Variants in SDK1 observed in about 807,000 individuals in gnomAD.
The protein encoded by SDK1 is sidekick cell adhesion molecule 1, also known as protein sidekick-1.
SDK1 carries 157 observed loss-of-function variants against 245.5 expected under a neutral mutation model. That is an observed-to-expected ratio of 0.64 (90% CI 0.56 to 0.73). SDK1 has a LOEUF of 0.73. Among genes scored for constraint, SDK1 ranks in the 30% least tolerant of loss-of-function variants. SDK1 has a pLI of 0.00. For missense variants in SDK1, 3,583 were observed against 3,002.3 expected (o/e 1.19, Z -4.52); for synonymous variants, 1,647 against 1,278.5 (o/e 1.29, Z -6.15).
chr7:4,017,179 T>C lies in SDK1; in HGVS notation c.2429T>C (p.Leu810Pro). Reference protein sequence around the residue: ...VLRGYILRYRLAGLPGEYQQR... With the variant: ...VLRGYILRYRPAGLPGEYQQR... ...CTTCCTTCGTGGCGCAGGTACCGCC[T>C]GGCTGGCCTTCCCGGAGAGTACCAG... The change falls in exon 17 of 45, where the codon CTG becomes CCG. Residue 810 changes from leucine (L) to proline (P), a missense_variant. Transcript: ENST00000404826. 3.1e-6 allele frequency: 5 copies of C among 1,611,076 alleles called. No homozygotes were observed. The highest frequency in any genetic ancestry group is 4.2e-6 in the Non-Finnish European group (5 of 1,178,500).
chr7:3,598,237 T>C (rs1045588387), intron 1 of SDK1, among the ~76,000 whole-genome samples: 3 of 152,250 alleles, frequency 2.0e-5, no homozygotes, highest in African/African-American at 7.2e-5. Context: ...ATTTTATTTA[T>C]ATATTTCCAT....
chr7:3,962,390 A>G (rs1317870735), intron 8 of SDK1, among the ~76,000 whole-genome samples: 4 of 152,208 alleles, frequency 2.6e-5, no homozygotes, highest in Admixed American at 2.6e-4. Context: ...AAACAAGAGC[A>G]TGAGCCTGTG....
chr7:3,661,092 T>G (rs1205520512), intron 4 of SDK1, among the ~76,000 whole-genome samples: 2 of 152,242 alleles, frequency 1.3e-5, no homozygotes, highest in Non-Finnish European at 2.9e-5. Context: ...TGAGAATCCG[T>G]TATTGCCTAC....
chr7:3,443,372 T>A (rs561670221), intron 1 of SDK1, among the ~76,000 whole-genome samples: 2 of 152,200 alleles, frequency 1.3e-5, no homozygotes, highest in Non-Finnish European at 2.9e-5. Flanking sequence ...ATGTCAAATA[T>A]ATTAAAATTT....
intron 1 of SDK1, among the ~76,000 whole-genome samples, chr7:3,398,903 T>G (rs1778806860): frequency 6.6e-6 from 1 of 152,054 alleles, no homozygotes; most frequent in Non-Finnish European, 1.5e-5. Flanking sequence ...GTCTCCAGTT[T>G]TCAGTGCAAC....
chr7:3,669,286 C>T (rs190584544), intron 4 of SDK1, among the ~76,000 whole-genome samples: 1 of 152,138 alleles, frequency 6.6e-6, no homozygotes, highest in African/African-American at 2.4e-5. Context: ...ACTGCTTTGT[C>T]TCATAAACAG....
Position 4,267,124 on chromosome 7 carries a change from CT to C in SDK1, c.*1744del, listed in dbSNP as rs1788517050. ...GAGTTTTGTATAGGCTGGAAAACCC[CT>C]TTTCAGTCTTTCCAAAATTAGAGGG... On this transcript the variant is annotated 3_prime_UTR_variant, in exon 45 of 45. Coordinates refer to ENST00000404826, the MANE Select transcript of SDK1 (RefSeq NM_152744.4). The C allele has an allele frequency of 1.0e-6, 1 of 985,284 alleles. No homozygotes were observed. The highest frequency in any genetic ancestry group is 4.7e-5 in the South Asian group (1 of 21,284). 61.0% of individuals were successfully genotyped at this position (985,284 alleles called of 1,614,324 possible). A position where few individuals can be genotyped will look rare whatever the true frequency, so the allele number is the denominator to read the frequency against.
At chr7:4,133,541 T>C (rs1158932265) in intron 28 of SDK1, among the ~76,000 whole-genome samples, 1 of 152,100 alleles carries the variant, frequency 6.6e-6, no homozygotes, top group African/African-American at 2.4e-5. Context: ...GAAGTCTCCT[T>C]TTGAGAGGGA....
intron 5 of SDK1, among the ~76,000 whole-genome samples, chr7:3,855,641 G>T (rs1780527541): frequency 6.6e-6 from 1 of 152,190 alleles, no homozygotes; most frequent in Non-Finnish European, 1.5e-5. Context: ...TCATAATAAG[G>T]GAATGTGGGG....
At chr7:4,084,041 C>T (rs933150671) in intron 22 of SDK1, among the ~76,000 whole-genome samples, 1 of 152,102 alleles carries the variant, frequency 6.6e-6, no homozygotes, top group African/African-American at 2.4e-5. Context: ...TAATTATGTT[C>T]TTAGGATATT....
intron 1 of SDK1, among the ~76,000 whole-genome samples, chr7:3,573,607 A>T (rs1245016590): frequency 6.6e-6 from 1 of 152,074 alleles, no homozygotes; most frequent in Non-Finnish European, 1.5e-5. Flanking sequence ...CACTTCTTCC[A>T]GAGCCAGCCT....
intron 38 of SDK1, among the ~76,000 whole-genome samples, chr7:4,216,509 G>A (rs1784805726): frequency 6.6e-6 from 1 of 152,232 alleles, no homozygotes; most frequent in Non-Finnish European, 1.5e-5. Context: ...AACCACAAAA[G>A]CGGTAACTGG....
chr7:4,214,915 C>T (rs756121253), intron 38 of SDK1, among the ~76,000 whole-genome samples: 1 of 152,238 alleles, frequency 6.6e-6, no homozygotes, highest in Non-Finnish European at 1.5e-5. Flanking sequence ...CCGGGATGAG[C>T]CTGAGTCTGG....
At chr7:3,338,266 G>C (rs768325865) in intron 1 of SDK1, 182 of 444,896 alleles carry the variant, frequency 4.1e-4, no homozygotes, top group Non-Finnish European at 6.4e-4. Flanking sequence ...AATGGGTACT[G>C]TTCAGAAAGG....
At chr7:3,854,323 AAT>A (rs1780488744) in intron 5 of SDK1, among the ~76,000 whole-genome samples, 1 of 152,234 alleles carries the variant, frequency 6.6e-6, no homozygotes. Context: ...CTTATCTGAA[AAT>A]ATAAATAATT....
chr7:3,860,732 G>C lies in SDK1; in HGVS notation c.847+39149G>C, dbSNP rs184701413. Among the ~76,000 whole-genome samples, 13 of 152,184 alleles carry C rather than the reference G, an allele frequency of 8.5e-5. No individual in the cohort carries two copies. In the East Asian group the frequency reaches 2.5e-3, roughly 29 times the overall value. ...AGGCCTGTATTCATCTCTTGAAACTGCTATTTTTTGCCACAAGTAGCTATA... is the reference window on the plus strand; with the variant it reads ...AGGCCTGTATTCATCTCTTGAAACTCCTATTTTTTGCCACAAGTAGCTATA... On this transcript the variant is annotated intron_variant, in intron 5 of 44. Transcript: ENST00000404826.
chr7:3,914,968 G>A (rs550236866), intron 5 of SDK1, among the ~76,000 whole-genome samples: 1 of 152,312 alleles, frequency 6.6e-6, no homozygotes, highest in South Asian at 2.1e-4. Context: ...TAGTATGGAT[G>A]CAGCTGTGAA....
chr7:3,988,335 T>G (rs1034948372), intron 14 of SDK1, among the ~76,000 whole-genome samples: 34 of 151,740 alleles, frequency 2.2e-4, no homozygotes, highest in African/African-American at 7.7e-4. Context: ...CCCTTTCCTC[T>G]CTGCCTCAGA....
At chr7:3,527,441 G>A (rs1468377309) in intron 1 of SDK1, among the ~76,000 whole-genome samples, 1 of 152,188 alleles carries the variant, frequency 6.6e-6, no homozygotes, top group African/African-American at 2.4e-5. Flanking sequence ...TTGATATGAT[G>A]CCATGAAGGG....
Sources: gnomAD v4.1 joint callset for allele counts (sites outside exome capture counted in the v4.1 genomes callset) on GRCh38, gnomAD v4.1.1 for gene constraint, MANE v1.5 for transcripts, NCBI Gene and HGNC (gene_info 2026-07-23, HGNC 2026-07-21) for gene names.